Variants in EXTL3 observed in about 807,000 individuals in gnomAD.
EXTL3 encodes the protein exostosin-like 3.
Under a neutral mutation model 69.3 loss-of-function variants are expected in EXTL3, and 27 were observed. That is an observed-to-expected ratio of 0.39 (90% confidence interval 0.29 to 0.54). The LOEUF (loss-of-function observed/expected upper bound fraction) is 0.54, where lower values mean the gene tolerates loss of function less well. Ranked by LOEUF, EXTL3 falls within the 20% of genes least tolerant of loss-of-function variation. EXTL3 has a pLI of 0.69. For missense variants in EXTL3, 1,003 were observed against 1,231.8 expected, an observed-to-expected ratio of 0.81 and a Z score of 2.78; for synonymous variants, 511 against 499.4, an observed-to-expected ratio of 1.02 and a Z score of -0.31.
chr8:28,735,193 A>G (rs1260936738), intron 4 of EXTL3, among the ~76,000 whole-genome samples: 3 of 151,138 alleles, frequency 2.0e-5, no homozygotes, highest in Admixed American at 6.6e-5. Flanking sequence ...TTGCTGCTGC[A>G]GGTGGTAGTG....
intron 5 of EXTL3, chr8:28,740,275 TAC>T (rs1476629853): frequency 6.6e-6 from 1 of 152,202 alleles, no homozygotes; most frequent in African/African-American, 2.4e-5. Context: ...TCGTTTTTCT[TAC>T]ACCTATTTCT....
chr8:28,717,363 C>A lies in EXTL3; in HGVS notation c.1304C>A (p.Thr435Asn). The A allele has an allele frequency of 1.2e-6, 2 of 1,614,194 alleles. No homozygotes were observed. The highest frequency in any genetic ancestry group is 3.3e-5 in the Admixed American group (2 of 60,024). ...CTCTCCACCTTCGCCCTCATCATTA[C>A]CCCCGGGGACCCTCGCTTGGTTATT... ...LKLSTFALII[T>N]PGDPRLVISS... The change falls in exon 3 of 7, where the codon ACC (threonine) becomes AAC (asparagine). Residue 435 changes from threonine to asparagine, a missense_variant. Transcript: ENST00000220562. This position sits in a 1 kb window ranked among gnomAD's most constrained non-coding sequence, Gnocchi z 8.3.
chr8:28,747,938 C>T (rs1023001533), intron 6 of EXTL3, among the ~76,000 whole-genome samples: 1 of 152,102 alleles, frequency 6.6e-6, no homozygotes, highest in Non-Finnish European at 1.5e-5. Flanking sequence ...GCCATGTTGG[C>T]CAGGCTGGCC....
At chr8:28,701,415 A>G (rs528388057), upstream of EXTL3, 1 of 150,772 alleles carries the variant, frequency 6.6e-6, no homozygotes, top group African/African-American at 2.5e-5. Context: ...CGCGGTCGGG[A>G]AAGTGGCGAG....
At chr8:28,660,751 T>C (rs77611626) in intron 1 of EXTL3, among the ~76,000 whole-genome samples, 25 of 151,406 alleles carry the variant, frequency 1.7e-4, no homozygotes, top group African/African-American at 6.0e-4. Context: ...CCTTTGATTC[T>C]CACTATTCTG....
intron 1 of EXTL3, among the ~76,000 whole-genome samples, chr8:28,680,119 C>T (rs577535231): frequency 1.3e-5 from 2 of 151,390 alleles, no homozygotes. Flanking sequence ...CAGCCGGGCT[C>T]GGTGGCTTAT....
chr8:28,710,518 T>G (rs1350704673), intron 1 of EXTL3: 2 of 456,106 alleles, frequency 4.4e-6, no homozygotes, highest in South Asian at 3.1e-5. Flanking sequence ...GTGGGGAGAA[T>G]TTTTATGCTT....
intron 2 of EXTL3, among the ~76,000 whole-genome samples, chr8:28,615,821 G>T (rs1806323493): frequency 6.6e-6 from 1 of 151,810 alleles, no homozygotes; most frequent in South Asian, 2.1e-4. Flanking sequence ...TGATCTGCTT[G>T]CCTGGGCCTC....
At chr8:28,637,452 C>A (rs762555713) in intron 1 of EXTL3, 1 of 152,398 alleles carries the variant, frequency 6.6e-6, no homozygotes, top group Non-Finnish European at 1.5e-5. Flanking sequence ...CTCTTTCTAT[C>A]CCATTCCAGC....
intron 1 of EXTL3, among the ~76,000 whole-genome samples, chr8:28,670,667 A>G (rs1215011072): frequency 6.6e-6 from 1 of 152,186 alleles, no homozygotes; most frequent in Non-Finnish European, 1.5e-5. Context: ...GAGTTCTTTC[A>G]TACTCAGCCA....
At chr8:28,607,937 C>A (rs1054965337) in intron 2 of EXTL3, among the ~76,000 whole-genome samples, 3 of 151,056 alleles carry the variant, frequency 2.0e-5, no homozygotes, top group African/African-American at 7.4e-5. Flanking sequence ...ACCATGAAAC[C>A]CCGTCTCTAC....
At chr8:28,688,394 T>A (rs1435386209) in intron 1 of EXTL3, among the ~76,000 whole-genome samples, 1 of 152,180 alleles carries the variant, frequency 6.6e-6, no homozygotes, top group African/African-American at 2.4e-5. Flanking sequence ...GGGCAAATGA[T>A]GATGATGACA....
At chr8:28,617,174 T>A (rs1806341175) in intron 2 of EXTL3, among the ~76,000 whole-genome samples, 1 of 152,096 alleles carries the variant, frequency 6.6e-6, no homozygotes, top group Non-Finnish European at 1.5e-5. Flanking sequence ...AATTTCACCA[T>A]GAATGAGTCA....
At chr8:28,632,205 A>G (rs11995848) in intron 1 of EXTL3, among the ~76,000 whole-genome samples, 58,113 of 151,126 alleles carry the variant, frequency 0.38, 13,047 homozygotes, top group African/African-American at 0.63. Context: ...TCAGGAGTTC[A>G]AGACCAGCCT....
chr8:28,689,527 T>C (rs1264506893), intron 1 of EXTL3, among the ~76,000 whole-genome samples: 1 of 152,234 alleles, frequency 6.6e-6, no homozygotes, highest in Non-Finnish European at 1.5e-5. Context: ...CATTTCAAAG[T>C]AGTTTCCTAA....
At chr8:28,690,895 CTG>C (rs1800604374) in intron 1 of EXTL3, among the ~76,000 whole-genome samples, 1 of 152,112 alleles carries the variant, frequency 6.6e-6, no homozygotes, top group Non-Finnish European at 1.5e-5. Context: ...GACTTCACAA[CTG>C]TGTGAATACC....
At position 28,751,546 on chromosome 8, in the gene EXTL3, A is replaced by C. The variant is rs568534264; in HGVS notation, c.*680A>C. ...TGCCAGTCAGCAACCTGTAACTCACATTCTCTTCCCAGTGAATCCCTGGGA... is the reference window on the plus strand; with the variant it reads ...TGCCAGTCAGCAACCTGTAACTCACCTTCTCTTCCCAGTGAATCCCTGGGA... On this transcript the variant is annotated 3_prime_UTR_variant, in exon 7 of 7. Transcript: ENST00000220562. 3.2e-4 allele frequency: 48 copies of C among 152,370 alleles called. No individual in the cohort carries two copies. Among genetic ancestry groups the C allele is most frequent in the African/African-American group, 8.9e-4 (37 of 41,556 alleles). The allele number at this position is 152,370 out of a possible 1,614,324, so 9.4% of individuals were successfully genotyped here.
chr8:28,673,075 C>T (rs886482817), intron 1 of EXTL3, among the ~76,000 whole-genome samples: 5 of 152,190 alleles, frequency 3.3e-5, no homozygotes, highest in Non-Finnish European at 7.3e-5. Context: ...GTCCATTAAA[C>T]CTCTTTCTTT....
At chr8:28,654,564 G>C (rs931539941) in intron 1 of EXTL3, among the ~76,000 whole-genome samples, 27 of 151,666 alleles carry the variant, frequency 1.8e-4, no homozygotes, top group Non-Finnish European at 1.5e-5. Flanking sequence ...TAAAGATGGG[G>C]TCTTACTATG....
Sources: allele counts gnomAD v4.1 joint callset (sites outside exome capture counted in the v4.1 genomes callset), GRCh38; gene constraint gnomAD v4.1.1; non-coding constraint Gnocchi (gnomAD v3.1); transcripts MANE v1.5; gene names NCBI Gene and HGNC (gene_info 2026-07-23, HGNC 2026-07-21).